TSC22D2: variants seen among roughly 807,000 people sequenced by gnomAD.
TSC22D2 encodes the protein TSC22 domain family protein 2.
In TSC22D2, 5 loss-of-function variants were observed where a neutral mutation model predicts 50.1. The observed-to-expected ratio is 0.10, with a 90% CI of 0.05 to 0.21. TSC22D2 has a LOEUF of 0.21. Ranked by LOEUF, TSC22D2 falls within the 10% of genes least tolerant of loss-of-function variation. The pLI, the probability that TSC22D2 is intolerant of heterozygous loss-of-function variation, is 1.00. For synonymous variants in TSC22D2, 501 were observed against 450.1 expected (o/e 1.11, Z -1.43); for missense variants, 1,003 against 1,015.5 (o/e 0.99, Z 0.17).
chr3:150,419,484 TC>T (rs774064551), intron 1 of TSC22D2, among the ~76,000 whole-genome samples: 4 of 152,126 alleles, frequency 2.6e-5, no homozygotes, highest in African/African-American at 4.8e-5. Context: ...ATATTGTATG[TC>T]CCTGGTTTCT....
chr3:150,445,921 C>G (rs982329625), intron 1 of TSC22D2, among the ~76,000 whole-genome samples: 4 of 151,838 alleles, frequency 2.6e-5, no homozygotes, highest in Admixed American at 6.6e-5. Flanking sequence ...CAGTGAAACC[C>G]CATTTCTACT....
chr3:150,438,611 A>G (rs1720621885), intron 1 of TSC22D2, among the ~76,000 whole-genome samples: 1 of 152,188 alleles, frequency 6.6e-6, no homozygotes, highest in Non-Finnish European at 1.5e-5. Context: ...AGATTATTAA[A>G]ATATTGCTAT....
rs1576535911 is a variant in TSC22D2, at chr3:150,408,340, C to T, written c.-1011C>T. 6.5e-6 allele frequency: 1 copy of T among 153,322 alleles called. No homozygotes were observed. The highest frequency in any genetic ancestry group is 6.5e-5 in the Admixed American group (1 of 15,292). 9.5% of individuals were successfully genotyped at this position (153,322 alleles called of 1,614,324 possible). A position where few individuals can be genotyped will look rare whatever the true frequency, so the allele number is the denominator to read the frequency against. Reference sequence around the variant, plus strand: ...GCAGCGGGGCTGCTGCTCCTCCCAGCATCCCTGGCGCGGCCATTTCAGCCC... The same window carrying T: ...GCAGCGGGGCTGCTGCTCCTCCCAGTATCCCTGGCGCGGCCATTTCAGCCC... On this transcript the variant is annotated 5_prime_UTR_variant, in exon 1 of 3. Transcript: ENST00000688009.
intron 1 of TSC22D2, among the ~76,000 whole-genome samples, chr3:150,418,011 A>G (rs1440705638): frequency 1.3e-5 from 2 of 152,042 alleles, no homozygotes; most frequent in Non-Finnish European, 2.9e-5. Context: ...CCTTATGTAT[A>G]TGAGACCATA....
intron 1 of TSC22D2, among the ~76,000 whole-genome samples, chr3:150,454,184 A>G (rs1044727786): frequency 5.9e-5 from 9 of 152,202 alleles, no homozygotes; most frequent in African/African-American, 1.7e-4. Context: ...CACAGAAGAG[A>G]TGGCACTGGA....
rs1431288004 is a variant in TSC22D2, at chr3:150,459,559, G to GTTT, written c.*930_*932dup. 1 of 122,826 alleles carries GTTT rather than the reference G, an allele frequency of 8.1e-6. No homozygotes were observed. The highest frequency in any genetic ancestry group is 2.7e-4 in the South Asian group (1 of 3,756). 7.6% of individuals were successfully genotyped at this position (122,826 alleles called of 1,614,324 possible). ...AAGCAAAGCTGTGTAATGGAGTTTG[G>GTTT]TTTTTTTTTGTTGTTTTTTTTTTTT... On this transcript the variant is annotated 3_prime_UTR_variant, in exon 3 of 3. Coordinates refer to ENST00000688009, the MANE Select transcript of TSC22D2 (RefSeq NM_001303264.2).
Position 150,411,378 on chromosome 3 carries a change from T to C in TSC22D2, c.1958+70T>C. The C allele has an allele frequency of 3.5e-6, 5 of 1,427,496 alleles. No homozygotes were observed. In the South Asian group the frequency reaches 6.8e-5, roughly 20 times the overall value. 88.4% of individuals were successfully genotyped at this position (1,427,496 alleles called of 1,614,324 possible). A position where few individuals can be genotyped will look rare whatever the true frequency, so the allele number is the denominator to read the frequency against. ...AACATTGTAGCTTAGGATGCAACTT[T>C]GGGAGATTGTTGTCAACGGAGGCCC... On this transcript the variant is annotated intron_variant, in intron 1 of 2. Coordinates refer to ENST00000688009, the MANE Select transcript of TSC22D2 (RefSeq NM_001303264.2).
intron 1 of TSC22D2, among the ~76,000 whole-genome samples, chr3:150,430,286 T>A (rs1720337191): frequency 6.6e-6 from 1 of 152,158 alleles, no homozygotes; most frequent in African/African-American, 2.4e-5. Context: ...AGTACTGGCC[T>A]TATATGATAA....
chr3:150,409,368 C>A lies in TSC22D2; in HGVS notation c.18C>A (p.Ala6=). Residue 6 remains alanine, a synonymous_variant, in exon 1 of 3, where the codon GCC becomes GCA. Coordinates refer to ENST00000688009, the MANE Select transcript of TSC22D2 (RefSeq NM_001303264.2). This position sits in a 1 kb window ranked among gnomAD's most constrained non-coding sequence, Gnocchi z 7.4. The stretch of plus-strand genomic sequence containing the variant: ...TCTTCACCATGTCCAAGATGCCGGC[C>A]AAGAAGAAGAGCTGCTTCCAGATCA... MSKMP[A]KKKSCFQITS... is the part of the protein sequence containing the mutation. 6.2e-7 allele frequency: 1 copy of A among 1,600,430 alleles called. No homozygotes were observed.
intron 1 of TSC22D2, among the ~76,000 whole-genome samples, chr3:150,434,975 T>C (rs944168248): frequency 2.6e-5 from 4 of 152,042 alleles, no homozygotes; most frequent in Non-Finnish European, 5.9e-5. Context: ...ATATGTGTCT[T>C]TTTATTTATT....
At position 150,461,703 on chromosome 3, in the gene TSC22D2, C is replaced by A. The variant is rs1654563415; in HGVS notation, c.*3067C>A. 1 of 152,128 alleles carries A rather than the reference C, an allele frequency of 6.6e-6. No individual in the cohort carries two copies. The highest frequency in any genetic ancestry group is 6.5e-5 in the Admixed American group (1 of 15,274). The allele number at this position is 152,128 out of a possible 1,614,324, so 9.4% of individuals were successfully genotyped here. A position where few individuals can be genotyped will look rare whatever the true frequency, so the allele number is the denominator to read the frequency against. On this transcript the variant is annotated 3_prime_UTR_variant, in exon 3 of 3. Transcript: ENST00000688009. ...ATTTTTCCAATTCTATTTATAATAT[C>A]CTATGCTAATTAGAAGTATTGAGAT...
At position 150,460,031 on chromosome 3, in the gene TSC22D2, G is replaced by A. The variant is rs1448110249; in HGVS notation, c.*1395G>A. Reference sequence around the variant, plus strand: ...GTTTCAAAAGAAAGCATCATTTTGTGTATACTAACACATTAAGTGTATGTC... The same window carrying A: ...GTTTCAAAAGAAAGCATCATTTTGTATATACTAACACATTAAGTGTATGTC... On this transcript the variant is annotated 3_prime_UTR_variant, in exon 3 of 3. Coordinates refer to ENST00000688009, the MANE Select transcript of TSC22D2 (RefSeq NM_001303264.2). 6.6e-6 allele frequency: 1 copy of A among 152,046 alleles called. No homozygotes were observed. The highest frequency in any genetic ancestry group is 1.9e-4 in the East Asian group (1 of 5,200). The allele number at this position is 152,046 out of a possible 1,614,324, so 9.4% of individuals were successfully genotyped here.
chr3:150,459,774 A>G lies in TSC22D2; in HGVS notation c.*1138A>G, dbSNP rs1721328064. 6.6e-6 allele frequency: 1 copy of G among 151,598 alleles called. No individual in the cohort carries two copies. Among genetic ancestry groups the G allele is most frequent in the African/African-American group, 2.4e-5 (1 of 41,208 alleles). The allele number at this position is 151,598 out of a possible 1,614,324, so 9.4% of individuals were successfully genotyped here. On this transcript the variant is annotated 3_prime_UTR_variant, in exon 3 of 3. Coordinates refer to ENST00000688009, the MANE Select transcript of TSC22D2 (RefSeq NM_001303264.2). ...GTCTGTGAACAATGTCAAATAAAAG[A>G]GAACGAACAGGTAGTTTGGTGGAGC...
Position 150,460,563 on chromosome 3 carries a change from G to GTT in TSC22D2, c.*1928_*1929dup, listed in dbSNP as rs373810985. 42 of 152,274 alleles carry GTT rather than the reference G, an allele frequency of 2.8e-4. No individual in the cohort carries two copies. The highest frequency in any genetic ancestry group is 9.6e-4 in the African/African-American group (40 of 41,568). 9.4% of individuals were successfully genotyped at this position (152,274 alleles called of 1,614,324 possible). The stretch of plus-strand genomic sequence containing the variant: ...TGTGCTGCAAGACATTGAACAAAAT[G>GTT]TTAATGAATAACATTATAAATCAAG... On this transcript the variant is annotated 3_prime_UTR_variant, in exon 3 of 3. Transcript: ENST00000688009.
intron 1 of TSC22D2, among the ~76,000 whole-genome samples, chr3:150,428,386 T>A (rs1720265743): frequency 6.6e-6 from 1 of 152,112 alleles, no homozygotes; most frequent in Non-Finnish European, 1.5e-5. Flanking sequence ...AAGCTTTATA[T>A]ATTCCCTCTA....
intron 1 of TSC22D2, among the ~76,000 whole-genome samples, chr3:150,427,197 T>A (rs1473674450): frequency 1.3e-5 from 2 of 152,130 alleles, no homozygotes; most frequent in Non-Finnish European, 2.9e-5. Flanking sequence ...ACTTGTAAAA[T>A]TTTTTTATTG....
chr3:150,455,502 C>T (rs910277534), intron 1 of TSC22D2, among the ~76,000 whole-genome samples: 14 of 152,144 alleles, frequency 9.2e-5, no homozygotes, highest in South Asian at 2.1e-4. Flanking sequence ...AATAAACAAA[C>T]GTAGTTTCCC....
At chr3:150,418,139 T>A (rs1344670544) in intron 1 of TSC22D2, among the ~76,000 whole-genome samples, 1 of 152,024 alleles carries the variant, frequency 6.6e-6, no homozygotes, top group Non-Finnish European at 1.5e-5. Context: ...ATTAAGTAGG[T>A]TGATTGCCCA....
In TSC22D2 at chr3:150,410,805, G is replaced by A. The variant is rs1379452172; in HGVS notation, c.1455G>A (p.Gln485=). 1 of 1,613,230 alleles carries A rather than the reference G, an allele frequency of 6.2e-7. No homozygotes were observed. Among genetic ancestry groups the A allele is most frequent in the Non-Finnish European group, 8.5e-7 (1 of 1,179,912 alleles). Residue 485 remains glutamine, a synonymous_variant, in exon 1 of 3, where the codon CAG becomes CAA. Transcript: ENST00000688009. ...AGQPQSVPPP[Q]MGGSGPLSAV... is the part of the protein sequence containing the mutation. ...AGCCCCAGTCCGTGCCTCCGCCGCA[G>A]ATGGGTGGCAGTGGTCCGCTGTCAG...
Sources: gnomAD v4.1 joint callset for allele counts (sites outside exome capture counted in the v4.1 genomes callset) on GRCh38, gnomAD v4.1.1 for gene constraint, Gnocchi (gnomAD v3.1) non-coding constraint, MANE v1.5 for transcripts, NCBI Gene and HGNC (gene_info 2026-07-23, HGNC 2026-07-21) for gene names.